The following PABPC1 variants were observed in gnomAD, a reference collection of about 807,000 sequenced individuals.
PABPC1 encodes poly(A) binding protein cytoplasmic 1, also known as polyadenylate-binding protein 1.
PABPC1 carries 4 observed loss-of-function variants against 74.0 expected under a neutral mutation model. The observed-to-expected ratio is 0.05, with a 90% CI of 0.03 to 0.12. The LOEUF (loss-of-function observed/expected upper bound fraction) is 0.12, where lower values mean the gene tolerates loss of function less well. Among genes scored for constraint, PABPC1 ranks in the 10% least tolerant of loss-of-function variants. The pLI, the probability that PABPC1 is intolerant of heterozygous loss-of-function variation, is 1.00. For missense variants in PABPC1, 271 were observed against 821.1 expected (o/e 0.33, Z 8.19); for synonymous variants, 227 against 264.1 (o/e 0.86, Z 1.36).
intron 5 of PABPC1, 116 bp downstream of exon 5, chr8:100,712,971 G>T: frequency 9.8e-7 from 1 of 1,020,454 alleles, no homozygotes; most frequent in Non-Finnish European, 1.4e-6. Flanking sequence ...TGCATAAAAT[G>T]CAAATAACTG....
intron 7 of PABPC1, 90 bp downstream of exon 7, chr8:100,712,272 G>C (rs1810548001): frequency 2.8e-6 from 2 of 723,406 alleles, no homozygotes; most frequent in African/African-American, 1.8e-5. Flanking sequence ...CACCTCTCTA[G>C]TGGCTATAAT....
chr8:100,707,745 G>A (rs551413194), intron 9 of PABPC1, among the ~76,000 whole-genome samples: 9 of 152,346 alleles, frequency 5.9e-5, no homozygotes, highest in African/African-American at 2.2e-4. Flanking sequence ...AGGTGGAGGA[G>A]CAGTCTTCTC....
chr8:100,706,332 CAG>C (rs1197723905), intron 11 of PABPC1, among the ~76,000 whole-genome samples: 2 of 152,128 alleles, frequency 1.3e-5, no homozygotes, highest in African/African-American at 4.8e-5. Context: ...TCTTTTGAGA[CAG>C]AGTCTTGCTG....
chr8:100,704,069 A>C (rs919834746), intron 14 of PABPC1: 2 of 404,828 alleles, frequency 4.9e-6, no homozygotes, highest in South Asian at 2.9e-5. Flanking sequence ...AAAAAAAAAA[A>C]AAAAAACACC....
intron 7 of PABPC1, among the ~76,000 whole-genome samples, chr8:100,710,366 T>C (rs150092757): frequency 4.6e-4 from 70 of 152,244 alleles, no homozygotes; most frequent in African/African-American, 1.5e-3. Context: ...TAAAACTACA[T>C]TAACAGTATG....
chr8:100,720,170 A>T (rs949132595), intron 1 of PABPC1, among the ~76,000 whole-genome samples: 27 of 152,202 alleles, frequency 1.8e-4, no homozygotes, highest in African/African-American at 5.8e-4. Flanking sequence ...GGGGGGAAAA[A>T]GGCAAAATTG....
chr8:100,715,475 G>C lies in PABPC1; in HGVS notation c.630C>G (p.Leu210=), dbSNP rs747125011. The change falls in exon 4 of 15, where the codon CTC becomes CTG. Residue 210 remains leucine (L), a synonymous_variant. Coordinates refer to ENST00000318607, the MANE Select transcript of PABPC1 (RefSeq NM_002568.4). ...EDMDDERLKD[L]FGKFGPALSV... ...AAGACACATTACCAAACTTGCCAAA[G>C]AGATCCTTAAGGCGCTCATCATCCA... 1.9e-6 allele frequency: 3 copies of C among 1,602,646 alleles called. No individual in the cohort carries two copies. The highest frequency in any genetic ancestry group is 1.7e-6 in the Non-Finnish European group (2 of 1,173,644).
chr8:100,721,838 T>G lies in PABPC1; in HGVS notation c.-255A>C. The G allele has an allele frequency of 2.7e-6, 1 of 365,754 alleles. No individual in the cohort carries two copies. Among genetic ancestry groups the G allele is most frequent in the East Asian group, 4.1e-5 (1 of 24,102 alleles). The allele number at this position is 365,754 out of a possible 1,614,324, so 22.7% of individuals were successfully genotyped here. A position where few individuals can be genotyped will look rare whatever the true frequency, so the allele number is the denominator to read the frequency against. Reference sequence around the variant, plus strand: ...CAGCGGGAAGGCCTCGGTCTCTTGGTTCCTTCTTGGAGCTGCTGCGGGGCC... The same window carrying G: ...CAGCGGGAAGGCCTCGGTCTCTTGGGTCCTTCTTGGAGCTGCTGCGGGGCC... On this transcript the variant is annotated 5_prime_UTR_variant, in exon 1 of 15. Coordinates refer to ENST00000318607, the MANE Select transcript of PABPC1 (RefSeq NM_002568.4). The surrounding 1 kb of genome is among the most constrained non-coding windows in gnomAD (Gnocchi z 7.4).
chr8:100,717,020 AT>A (rs113475096), intron 3 of PABPC1, among the ~76,000 whole-genome samples: 6,645 of 151,716 alleles, frequency 0.044, 496 homozygotes, highest in African/African-American at 0.15. Context: ...GTATTTATTT[AT>A]TTTTTTTAAA....
intron 7 of PABPC1, 42 bp from the exon 8 acceptor site, chr8:100,709,773 T>A (rs1390922153): frequency 4.5e-6 from 7 of 1,541,416 alleles, no homozygotes; most frequent in Admixed American, 4.3e-5. Flanking sequence ...AATGGTAGAA[T>A]GAGGAGCAAA....
Position 100,703,283 on chromosome 8 carries a change from ATAATATT to A in PABPC1, c.*71_*77del, listed in dbSNP as rs2129656166. The A allele has an allele frequency of 6.1e-6, 1 of 165,050 alleles. No individual in the cohort carries two copies. Among genetic ancestry groups the A allele is most frequent in the Non-Finnish European group, 1.5e-5 (1 of 68,460 alleles). 10.2% of individuals were successfully genotyped at this position (165,050 alleles called of 1,614,324 possible). On this transcript the variant is annotated 3_prime_UTR_variant, in exon 15 of 15. Coordinates refer to ENST00000318607, the MANE Select transcript of PABPC1 (RefSeq NM_002568.4). The stretch of plus-strand genomic sequence containing the variant: ...TTATATTTTGCAATGTTTTTTTTCC[ATAATATT>A]TAAGTTTTTCGATGTTTAGATATTT...
At chr8:100,715,139 A>G (rs1441377193) in intron 4 of PABPC1, among the ~76,000 whole-genome samples, 2 of 135,702 alleles carry the variant, frequency 1.5e-5, no homozygotes, top group Admixed American at 1.4e-4. Flanking sequence ...ACACACACAC[A>G]CACACACACA....
chr8:100,713,292 A>C (rs1272323660), intron 4 of PABPC1, 111 bp from the exon 5 acceptor site: 2 of 550,782 alleles, frequency 3.6e-6, no homozygotes, highest in Non-Finnish European at 6.1e-6. Flanking sequence ...CCGTAACTTG[A>C]CTCCTCCCTC....
At chr8:100,703,850 G>A (rs770597184) in intron 14 of PABPC1, among the ~76,000 whole-genome samples, 1 of 152,124 alleles carries the variant, frequency 6.6e-6, no homozygotes, top group Non-Finnish European at 1.5e-5. Context: ...AGAAGTTCCA[G>A]ACCAGCCTGG....
chr8:100,715,310 T>C, intron 4 of PABPC1, 152 bp downstream of exon 4: 1 of 626,024 alleles, frequency 1.6e-6, no homozygotes, highest in Non-Finnish European at 2.7e-6. Context: ...GTGTAATAGA[T>C]GGCCAGCAGC....
At chr8:100,714,499 G>C (rs1810613450) in intron 4 of PABPC1, among the ~76,000 whole-genome samples, 1 of 152,140 alleles carries the variant, frequency 6.6e-6, no homozygotes, top group Non-Finnish European at 1.5e-5. Flanking sequence ...GGGAGGCCGA[G>C]GTGGCTGGAT....
chr8:100,711,049 T>C (rs1357127233), intron 7 of PABPC1, among the ~76,000 whole-genome samples: 1 of 152,102 alleles, frequency 6.6e-6, no homozygotes, highest in Admixed American at 6.6e-5. Context: ...CCCAACACTT[T>C]AGGAGGTCAC....
chr8:100,720,219 T>C (rs1976322), intron 1 of PABPC1, among the ~76,000 whole-genome samples: 39,498 of 152,110 alleles, frequency 0.26, 6,674 homozygotes, highest in African/African-American at 0.48. Flanking sequence ...TCAAAGCCAA[T>C]TGATCTAAAG....
At chr8:100,712,950 C>G in intron 5 of PABPC1, 137 bp downstream of exon 5, 2 of 1,056,806 alleles carry the variant, frequency 1.9e-6, no homozygotes, top group Non-Finnish European at 2.7e-6. Context: ...AATTTATACT[C>G]TCAAACCTAA....
Sources: allele counts gnomAD v4.1 joint callset (sites outside exome capture counted in the v4.1 genomes callset), GRCh38; gene constraint gnomAD v4.1.1; non-coding constraint Gnocchi (gnomAD v3.1); transcripts MANE v1.5; gene names NCBI Gene and HGNC (gene_info 2026-07-23, HGNC 2026-07-21).